The following SEL1L2 variants were observed in gnomAD, a reference collection of about 807,000 sequenced individuals.
The protein encoded by SEL1L2 is protein sel-1 homolog 2.
A neutral mutation model predicts 98.8 loss-of-function variants in SEL1L2; 89 were observed. The ratio of observed to expected loss-of-function variants is 0.90; its 90% CI spans 0.76 to 1.07. The LOEUF (loss-of-function observed/expected upper bound fraction) is 1.07, where lower values mean the gene tolerates loss of function less well. Ranked by LOEUF, SEL1L2 falls within the 50% of genes least tolerant of loss-of-function variation. SEL1L2 has a pLI of 0.00. For missense variants in SEL1L2, 788 were observed against 812.0 expected (o/e 0.97, Z 0.36); for synonymous variants, 262 against 278.5 (o/e 0.94, Z 0.59).
intron 1 of SEL1L2, among the ~76,000 whole-genome samples, chr20:13,983,417 T>C (rs1022427161): frequency 4.6e-5 from 7 of 151,994 alleles, no homozygotes; most frequent in African/African-American, 1.2e-4. Context: ...CCTTGAGAAA[T>C]AGGGTAGAGG....
chr20:13,912,905 G>A (rs2048263533), intron 5 of SEL1L2, among the ~76,000 whole-genome samples: 1 of 152,308 alleles, frequency 6.6e-6, no homozygotes, highest in Admixed American at 6.5e-5. Flanking sequence ...AATATAGTTA[G>A]CATTTTATTT....
At chr20:13,871,516 CT>C (rs552967323) in intron 12 of SEL1L2, among the ~76,000 whole-genome samples, 236 of 144,700 alleles carry the variant, frequency 1.6e-3, no homozygotes, top group Non-Finnish European at 1.8e-3. Flanking sequence ...ACCTGACTTT[CT>C]TTTTTTTTTT....
In SEL1L2 at chr20:13,868,878, G is replaced by A. The variant is rs754295574; in HGVS notation, c.1255+625C>T. On this transcript the variant is annotated intron_variant, in intron 14 of 19. Coordinates refer to ENST00000284951, the MANE Select transcript of SEL1L2 (RefSeq NM_025229.2). ...CTCCCAAAGTGCTAGGATTACAGGCGTGAGCCACCACGCCCGGCCTCTTAC... is the reference window on the plus strand; with the variant it reads ...CTCCCAAAGTGCTAGGATTACAGGCATGAGCCACCACGCCCGGCCTCTTAC... Among the ~76,000 whole-genome samples, 4 of 152,050 alleles carry A rather than the reference G, an allele frequency of 2.6e-5. No homozygotes were observed. In the East Asian group the frequency reaches 7.7e-4, roughly 29 times the overall value.
intron 1 of SEL1L2, among the ~76,000 whole-genome samples, chr20:13,970,718 G>C (rs749426601): frequency 1.5e-4 from 23 of 152,176 alleles, no homozygotes; most frequent in Non-Finnish European, 4.4e-5. Flanking sequence ...TGTAATCCCA[G>C]CTACTCGGGA....
At chr20:13,981,704 T>C (rs143640363) in intron 1 of SEL1L2, among the ~76,000 whole-genome samples, 8 of 152,362 alleles carry the variant, frequency 5.3e-5, no homozygotes, top group Admixed American at 2.0e-4. Context: ...ATCCCTCACA[T>C]AACACAGTTA....
At chr20:13,865,545 A>G (rs761812) in intron 15 of SEL1L2, 31 bp from the exon 16 acceptor site, 555,353 of 1,587,280 alleles carry the variant, frequency 0.35, 99,698 homozygotes, top group Middle Eastern at 0.54. Flanking sequence ...CAAGGAGACT[A>G]GTTAGCCAGT....
At chr20:13,903,817 G>GA (rs137870908) in intron 5 of SEL1L2, among the ~76,000 whole-genome samples, 4,706 of 151,230 alleles carry the variant, frequency 0.031, 102 homozygotes, top group Non-Finnish European at 0.044. Context: ...TCCATCTTAA[G>GA]AAAAAAAAAG....
intron 1 of SEL1L2, among the ~76,000 whole-genome samples, chr20:13,969,270 C>T (rs2051180463): frequency 6.6e-6 from 1 of 152,138 alleles, no homozygotes; most frequent in East Asian, 1.9e-4. Flanking sequence ...CTCATGTGCC[C>T]CCTCCCAAGT....
rs117851401 is a variant in SEL1L2, at chr20:13,852,606, G to A, written c.1819-2287C>T. Among the ~76,000 whole-genome samples, 1,516 of 152,282 alleles carry A rather than the reference G, an allele frequency of 1.0e-2. 11 individuals carry two copies. Among genetic ancestry groups the A allele is most frequent in the South Asian group, 0.047 (227 of 4,822 alleles). ...CAGTCCACTTAGATTTAACTTTTCT[G>A]TGGTACATTTGAGTTTATTTTGCTT... On this transcript the variant is annotated intron_variant, in intron 18 of 19. Transcript: ENST00000284951.
chr20:13,967,460 A>C (rs2051103173), intron 1 of SEL1L2, among the ~76,000 whole-genome samples: 1 of 152,198 alleles, frequency 6.6e-6, no homozygotes, highest in South Asian at 2.1e-4. Context: ...AAAGGCACAG[A>C]TACAGTCCTA....
chr20:13,938,278 A>C (rs753006887), intron 2 of SEL1L2, among the ~76,000 whole-genome samples: 17 of 151,984 alleles, frequency 1.1e-4, no homozygotes, highest in East Asian at 3.9e-4. Flanking sequence ...ATGGGGTTTC[A>C]CCATGTTGGT....
intron 4 of SEL1L2, among the ~76,000 whole-genome samples, chr20:13,916,214 A>G (rs902060218): frequency 6.6e-6 from 1 of 152,234 alleles, no homozygotes; most frequent in African/African-American, 2.4e-5. Flanking sequence ...GGAGGAGCCA[A>G]AAGGATAGTT....
intron 2 of SEL1L2, among the ~76,000 whole-genome samples, chr20:13,933,441 C>G (rs1019685714): frequency 2.0e-5 from 3 of 152,128 alleles, no homozygotes; most frequent in Non-Finnish European, 2.9e-5. Flanking sequence ...CCTACCCCAG[C>G]CCTAAGCAAC....
chr20:13,883,090 G>A (rs1285608248), intron 10 of SEL1L2, among the ~76,000 whole-genome samples: 3 of 152,142 alleles, frequency 2.0e-5, no homozygotes, highest in African/African-American at 4.8e-5. Flanking sequence ...AAAGTGCTGG[G>A]ATTACAGGCG....
chr20:13,886,281 A>G lies in SEL1L2; in HGVS notation c.900+7T>C, dbSNP rs1459671041. The G allele has an allele frequency of 1.3e-6, 2 of 1,597,468 alleles. No individual in the cohort carries two copies. Among genetic ancestry groups the G allele is most frequent in the Admixed American group, 3.4e-5 (2 of 58,744 alleles). ...TCTAAAAACTCAATCTCATCTGTAT[A>G]CATTACTTGTATCTGAACATCTCCT... On this transcript the variant is annotated splice_region_variant and intron_variant, in intron 9 of 19. Transcript: ENST00000284951.
intron 5 of SEL1L2, among the ~76,000 whole-genome samples, chr20:13,911,765 C>T (rs772970519): frequency 2.0e-4 from 30 of 152,006 alleles, no homozygotes; most frequent in Non-Finnish European, 2.8e-4. Flanking sequence ...AGTATTTGTT[C>T]GTTTTTGTAA....
chr20:13,901,282 G>C (rs988505316), intron 5 of SEL1L2, among the ~76,000 whole-genome samples: 19 of 151,988 alleles, frequency 1.3e-4, no homozygotes, highest in Non-Finnish European at 2.2e-4. Flanking sequence ...GTGTTAGCCA[G>C]GATGGTCTCG....
intron 1 of SEL1L2, among the ~76,000 whole-genome samples, chr20:13,982,945 AC>A (rs750692989): frequency 1.6e-4 from 23 of 140,566 alleles, no homozygotes; most frequent in Middle Eastern, 3.8e-3. Context: ...AATTGCTTGA[AC>A]CCAGGAGGCG....
At chr20:13,871,237 C>G (rs1369978825) in intron 12 of SEL1L2, among the ~76,000 whole-genome samples, 1 of 152,112 alleles carries the variant, frequency 6.6e-6, no homozygotes, top group Non-Finnish European at 1.5e-5. Context: ...AAATTTATTG[C>G]TTATAACATC....
Sources: allele counts gnomAD v4.1 joint callset (sites outside exome capture counted in the v4.1 genomes callset), GRCh38; gene constraint gnomAD v4.1.1; transcripts MANE v1.5; gene names NCBI Gene and HGNC (gene_info 2026-07-23, HGNC 2026-07-21).